CACNA2D3: variants seen among roughly 807,000 people sequenced by gnomAD.
CACNA2D3 encodes voltage-dependent calcium channel subunit alpha-2/delta-3.
A neutral mutation model predicts 160.6 loss-of-function variants in CACNA2D3; 60 were observed. The observed-to-expected ratio is 0.37, with a 90% CI of 0.30 to 0.46. CACNA2D3 has a LOEUF of 0.46. CACNA2D3 is among the 20% of genes least tolerant of loss of function. The probability of loss-of-function intolerance (pLI) is 1.00; values close to 1 mark genes in which losing one functional copy is unlikely to be tolerated. For synonymous variants in CACNA2D3, 558 were observed against 492.9 expected (o/e 1.13, Z -1.75); for missense variants, 1,205 against 1,365.0 (o/e 0.88, Z 1.85).
intron 4 of CACNA2D3, among the ~76,000 whole-genome samples, chr3:54,459,132 T>C (rs2106836400): frequency 6.6e-6 from 1 of 152,264 alleles, no homozygotes; most frequent in African/African-American, 2.4e-5. Context: ...TAGTATTCCA[T>C]GGTGTATATG....
At chr3:54,753,075 G>T (rs187942027) in intron 12 of CACNA2D3, among the ~76,000 whole-genome samples, 1 of 152,142 alleles carries the variant, frequency 6.6e-6, no homozygotes, top group Non-Finnish European at 1.5e-5. Context: ...TGGCCAGGCT[G>T]GTCTAGAACT....
chr3:55,008,922 CACAG>C lies in CACNA2D3; in HGVS notation c.2820-465_2820-462del, dbSNP rs1313872083. On this transcript the variant is annotated intron_variant, in intron 33 of 37. Transcript: ENST00000474759. ...ACACACACACACACACACACACACA[CACAG>C]GGGGCTTAAACAAGTTCAAGTCGCA... Among the ~76,000 whole-genome samples, 522 of 148,070 alleles carry C rather than the reference CACAG, an allele frequency of 3.5e-3. 3 individuals are homozygous for C. Among genetic ancestry groups the C allele is most frequent in the African/African-American group, 0.013 (504 of 39,832 alleles).
intron 10 of CACNA2D3, among the ~76,000 whole-genome samples, chr3:54,629,230 G>A (rs1341276086): frequency 6.6e-6 from 1 of 151,866 alleles, no homozygotes; most frequent in Admixed American, 6.6e-5. Flanking sequence ...AGCTCTGTAG[G>A]GCAGGCTGTT....
chr3:54,777,367 A>G (rs1702443921), intron 13 of CACNA2D3, among the ~76,000 whole-genome samples: 1 of 151,780 alleles, frequency 6.6e-6, no homozygotes, highest in African/African-American at 2.4e-5. Flanking sequence ...TCCTAACCTT[A>G]CTCTGCTGGT....
chr3:54,926,311 A>G (rs976345909), intron 27 of CACNA2D3, among the ~76,000 whole-genome samples: 1 of 152,206 alleles, frequency 6.6e-6, no homozygotes, highest in Non-Finnish European at 1.5e-5. Flanking sequence ...CATTTGAAAG[A>G]TGAGGAAGCT....
intron 11 of CACNA2D3, among the ~76,000 whole-genome samples, chr3:54,660,778 C>T (rs1329761492): frequency 1.3e-5 from 2 of 152,206 alleles, no homozygotes; most frequent in Non-Finnish European, 2.9e-5. Flanking sequence ...CTTCTCTCGG[C>T]CCAGAGCCTC....
At chr3:54,733,341 A>G (rs768704773) in intron 11 of CACNA2D3, among the ~76,000 whole-genome samples, 17 of 152,334 alleles carry the variant, frequency 1.1e-4, no homozygotes, top group Non-Finnish European at 2.2e-4. Flanking sequence ...GAATGATTTG[A>G]GTACTCATTA....
chr3:54,868,604 A>G (rs1699456189), intron 17 of CACNA2D3, among the ~76,000 whole-genome samples: 1 of 152,172 alleles, frequency 6.6e-6, no homozygotes, highest in Non-Finnish European at 1.5e-5. Context: ...ACCATCTAAA[A>G]TGACTTGGGT....
chr3:54,618,067 A>T (rs1297637025), intron 9 of CACNA2D3, among the ~76,000 whole-genome samples: 1 of 151,380 alleles, frequency 6.6e-6, no homozygotes. Context: ...TACTAATAAG[A>T]TCTAGTGTTT....
At position 54,303,818 on chromosome 3, in the gene CACNA2D3, G is replaced by GTTTTTTGTTTTTTTTTT. The variant is rs59534343; in HGVS notation, c.205-16618_205-16617insGTTTTTTTTTTTTTTTT. Among the ~76,000 whole-genome samples, 1,022 of 114,864 alleles carry GTTTTTTGTTTTTTTTTT rather than the reference G, an allele frequency of 8.9e-3. 24 individuals carry two copies. Among genetic ancestry groups the GTTTTTTGTTTTTTTTTT allele is most frequent in the Non-Finnish European group, 0.011 (613 of 58,334 alleles). 75.4% of individuals were successfully genotyped at this position (114,864 alleles called of 152,430 possible). ...CAGCCTCATCAGTGACTTTTTTTCT[G>GTTTTTTGTTTTTTTTTT]TTTTTTTTTTTTTTTTTTTTCTATT... On this transcript the variant is annotated intron_variant, in intron 2 of 37. Coordinates refer to ENST00000474759, the MANE Select transcript of CACNA2D3 (RefSeq NM_018398.3).
chr3:54,990,694 C>G (rs1214294089), intron 31 of CACNA2D3, among the ~76,000 whole-genome samples: 1 of 152,106 alleles, frequency 6.6e-6, no homozygotes, highest in Non-Finnish European at 1.5e-5. Flanking sequence ...TCCAGGGAAG[C>G]AAGGTGATGC....
chr3:54,624,135 T>C (rs941086012), intron 9 of CACNA2D3, among the ~76,000 whole-genome samples: 1 of 152,148 alleles, frequency 6.6e-6, no homozygotes, highest in Non-Finnish European at 1.5e-5. Flanking sequence ...GTCTAACATA[T>C]GGACCAGATA....
chr3:54,661,905 C>G (rs376209144), intron 11 of CACNA2D3, among the ~76,000 whole-genome samples: 10 of 148,142 alleles, frequency 6.8e-5, no homozygotes, highest in East Asian at 2.1e-4. Flanking sequence ...AAAGATAACT[C>G]CACATCTTCA....
At chr3:54,350,147 G>A (rs1055221321) in intron 3 of CACNA2D3, among the ~76,000 whole-genome samples, 2 of 152,108 alleles carry the variant, frequency 1.3e-5, no homozygotes, top group Non-Finnish European at 2.9e-5. Context: ...TTCAGAACTT[G>A]TATTGTGAGG....
chr3:54,524,323 A>G (rs1187985430), intron 5 of CACNA2D3, among the ~76,000 whole-genome samples: 1 of 152,070 alleles, frequency 6.6e-6, no homozygotes, highest in African/African-American at 2.4e-5. Context: ...ATTTCTTCCT[A>G]TTATTGAGTT....
intron 11 of CACNA2D3, among the ~76,000 whole-genome samples, chr3:54,717,629 TGTGTGTG>T (rs1337601968): frequency 6.9e-6 from 1 of 145,090 alleles, no homozygotes; most frequent in Non-Finnish European, 1.5e-5. Flanking sequence ...AGTGTGCATG[TGTGTGTG>T]GTGTGTGCGT....
chr3:54,598,810 T>C (rs1703009342), intron 9 of CACNA2D3, among the ~76,000 whole-genome samples: 1 of 152,226 alleles, frequency 6.6e-6, no homozygotes, highest in Admixed American at 6.5e-5. Context: ...CTCGTGTCCT[T>C]GGCCATTGGT....
intron 5 of CACNA2D3, among the ~76,000 whole-genome samples, chr3:54,559,999 AG>A (rs1702300466): frequency 6.6e-6 from 1 of 152,146 alleles, no homozygotes; most frequent in Admixed American, 6.6e-5. Context: ...TGGACATTTA[AG>A]TTGATTCCAT....
At chr3:54,974,998 T>A (rs1230013302) in intron 29 of CACNA2D3, among the ~76,000 whole-genome samples, 1 of 152,158 alleles carries the variant, frequency 6.6e-6, no homozygotes, top group African/African-American at 2.4e-5. Flanking sequence ...TAAAGTGATA[T>A]GGAAAAAACA....
Sources: gnomAD v4.1 joint callset for allele counts (sites outside exome capture counted in the v4.1 genomes callset) on GRCh38, gnomAD v4.1.1 for gene constraint, MANE v1.5 for transcripts, NCBI Gene and HGNC (gene_info 2026-07-23, HGNC 2026-07-21) for gene names.